WDR36: variants seen among roughly 807,000 people sequenced by gnomAD.
WDR36 encodes WD repeat-containing protein 36.
A neutral mutation model predicts 112.7 loss-of-function variants in WDR36; 63 were observed. The observed-to-expected ratio is 0.56, with a 90% confidence interval of 0.46 to 0.69. WDR36 has a LOEUF of 0.69. WDR36 is among the 30% of genes least tolerant of loss of function. The probability of loss-of-function intolerance (pLI) is 0.00; values close to 1 mark genes in which losing one functional copy is unlikely to be tolerated. For synonymous variants in WDR36, 410 were observed against 362.2 expected (o/e 1.13, Z -1.50); for missense variants, 1,226 against 1,070.3 (o/e 1.15, Z -2.03).
At chr5:111,120,472 A>G (rs1450898492) in intron 17 of WDR36, 24 bp from the exon 18 acceptor site, 3 of 1,561,908 alleles carry the variant, frequency 1.9e-6, no homozygotes, top group East Asian at 4.5e-5. Context: ...TTTTTAAAAT[A>G]TTGCTTATGT....
rs1267157379 is a variant in WDR36, at chr5:111,092,517, G to A, written c.61G>A (p.Gly21Arg). The change falls in exon 1 of 23, where the codon GGA becomes AGA. Residue 21 changes from glycine (G) to arginine (R), a missense_variant. Transcript: ENST00000513710. ...SALFAGFRAL[G>R]LFSNDIPHVV... Reference sequence around the variant, plus strand: ...GCTTTTTGCGGGGTTCCGGGCCTTGGGACTTTTCAGCAACGACATTCCACA... The same window carrying A: ...GCTTTTTGCGGGGTTCCGGGCCTTGAGACTTTTCAGCAACGACATTCCACA... 4 of 1,614,118 alleles carry A rather than the reference G, an allele frequency of 2.5e-6. No individual in the cohort carries two copies. The highest frequency in any genetic ancestry group is 3.4e-6 in the Non-Finnish European group (4 of 1,180,054).
At chr5:111,095,568 C>A (rs1752957477) in intron 2 of WDR36, among the ~76,000 whole-genome samples, 1 of 152,010 alleles carries the variant, frequency 6.6e-6, no homozygotes, top group Admixed American at 6.6e-5. Context: ...AATTTGAAAC[C>A]CAAAATGCTC....
At position 111,125,533 on chromosome 5, in the gene WDR36, G is replaced by A. The variant is rs72784248; in HGVS notation, c.2351-75G>A. ...ACCATTTAAATATATCCTATTTGGG[G>A]TATAAAAGGAAAACTGTAATTTTCT... is the stretch of plus-strand genomic sequence containing the variant. On this transcript the variant is annotated intron_variant, in intron 21 of 22. Coordinates refer to ENST00000513710, the MANE Select transcript of WDR36 (RefSeq NM_139281.3). 42,774 of 1,401,386 alleles carry A rather than the reference G, an allele frequency of 0.031. 814 individuals carry two copies. Among genetic ancestry groups the A allele is most frequent in the South Asian group, 0.039 (3,141 of 80,466 alleles). The allele number at this position is 1,401,386 out of a possible 1,614,324, so 86.8% of individuals were successfully genotyped here.
At position 111,124,194 on chromosome 5, in the gene WDR36, G is replaced by C; in HGVS notation, c.2350+5G>C. ...AAGGACTGGTAAATAATAAGTGTAA[G>C]TTGAATTATAAGATATTTTAACTAA... On this transcript the variant is annotated splice_donor_5th_base_variant and intron_variant, in intron 21 of 22. Transcript: ENST00000513710. 6.2e-7 allele frequency: 1 copy of C among 1,605,294 alleles called. No individual in the cohort carries two copies. Among genetic ancestry groups the C allele is most frequent in the Admixed American group, 1.7e-5 (1 of 59,912 alleles).
At position 111,127,086 on chromosome 5, in the gene WDR36, C is replaced by T. The variant is rs984898096; in HGVS notation, c.*203C>T. On this transcript the variant is annotated 3_prime_UTR_variant, in exon 23 of 23. Coordinates refer to ENST00000513710, the MANE Select transcript of WDR36 (RefSeq NM_139281.3). ...GCATGATGGATAATGCCTGTAATTC[C>T]AGCACTTTCAGAGGCCAAAGCGGGA... 3.6e-5 allele frequency: 18 copies of T among 493,292 alleles called. No homozygotes were observed. Among genetic ancestry groups the T allele is most frequent in the Non-Finnish European group, 5.8e-5 (17 of 290,614 alleles). The allele number at this position is 493,292 out of a possible 1,614,324, so 30.6% of individuals were successfully genotyped here.
chr5:111,092,461 A>G lies in WDR36; in HGVS notation c.5A>G (p.Glu2Gly). The G allele has an allele frequency of 6.2e-7, 1 of 1,614,204 alleles. No homozygotes were observed. Among genetic ancestry groups the G allele is most frequent in the Non-Finnish European group, 8.5e-7 (1 of 1,180,042 alleles). The change falls in exon 1 of 23, where the codon GAA becomes GGA. Residue 2 changes from glutamate (E) to glycine (G), a missense_variant. Glu to Gly is a moderately conservative substitution (Grantham distance 98). Transcript: ENST00000513710. M[E>G]RASERRTASA... ...GGAGCTGGGATCGCGGCGGCAATGG[A>G]ACGGGCCTCAGAAAGGCGCACGGCC...
chr5:111,119,586 T>C (rs536026964), intron 17 of WDR36, among the ~76,000 whole-genome samples: 1 of 152,306 alleles, frequency 6.6e-6, no homozygotes, highest in African/African-American at 2.4e-5. Context: ...ATACTTCAAA[T>C]TCTCTTTTGA....
chr5:111,098,099 A>T (rs1363459936), intron 3 of WDR36, among the ~76,000 whole-genome samples: 9 of 152,048 alleles, frequency 5.9e-5, no homozygotes, highest in Non-Finnish European at 1.3e-4. Flanking sequence ...GGGTTAGGGG[A>T]ACAAAATAGG....
At chr5:111,125,907 A>T in intron 22 of WDR36, 112 bp downstream of exon 22, 1 of 1,076,814 alleles carries the variant, frequency 9.3e-7, no homozygotes, top group Non-Finnish European at 1.4e-6. Context: ...TTCCAGTATC[A>T]TAGCCACTTG....
At chr5:111,107,207 A>G in intron 11 of WDR36, 87 bp from the exon 12 acceptor site, 2 of 1,447,270 alleles carry the variant, frequency 1.4e-6, no homozygotes, top group Non-Finnish European at 1.9e-6. Flanking sequence ...TTGTATCCCT[A>G]GTGTCTGAAA....
intron 4 of WDR36, among the ~76,000 whole-genome samples, chr5:111,099,296 T>C (rs979699173): frequency 6.6e-6 from 1 of 152,110 alleles, no homozygotes; most frequent in Non-Finnish European, 1.5e-5. Context: ...ACAGTGGCTA[T>C]GTTTATGGGA....
intron 3 of WDR36, 135 bp downstream of exon 3, chr5:111,097,314 A>G: frequency 3.0e-6 from 2 of 671,324 alleles, no homozygotes; most frequent in Admixed American, 4.7e-5. Context: ...ATGTATATTC[A>G]GTTTTCTGGA....
At chr5:111,107,884 A>G (rs1206719734) in intron 12 of WDR36, among the ~76,000 whole-genome samples, 2 of 151,178 alleles carry the variant, frequency 1.3e-5, no homozygotes, top group Admixed American at 6.6e-5. Context: ...CTTGATTTTG[A>G]TAGCTTTGTG....
chr5:111,100,836 T>C, intron 5 of WDR36, 115 bp downstream of exon 5: 1 of 1,099,092 alleles, frequency 9.1e-7, no homozygotes, highest in Non-Finnish European at 1.3e-6. Context: ...TGGAGGGTTG[T>C]CTATAAATAA....
Position 111,097,169 on chromosome 5 carries a change from G to A in WDR36, c.281G>A (p.Arg94His), listed in dbSNP as rs191638718. Residue 94 changes from arginine to histidine, a missense_variant, in exon 3 of 23, where the codon CGT (arginine) becomes CAT (histidine). Transcript: ENST00000513710. Reference sequence around the variant, plus strand: ...GGAAATGTTTTCTCTGCATTTGCCCGTAATAAAGAGGTTGGTATCGCTAAA... The same window carrying A: ...GGAAATGTTTTCTCTGCATTTGCCCATAATAAAGAGGTTGGTATCGCTAAA... ...AYGNVFSAFA[R>H]NKEIVHTFKG... is the part of the protein sequence containing the mutation. 128 of 1,612,322 alleles carry A rather than the reference G, an allele frequency of 7.9e-5. No individual in the cohort carries two copies. Among genetic ancestry groups the A allele is most frequent in the African/African-American group, 1.2e-4 (9 of 74,970 alleles).
intron 15 of WDR36, 78 bp from the exon 16 acceptor site, chr5:111,112,984 TATACATACACAC>T: frequency 3.7e-6 from 1 of 269,570 alleles, no homozygotes. Context: ...GTTAACTATA[TATACATACACAC>T]ATACATACAA....
chr5:111,095,724 C>A (rs1434165372), intron 2 of WDR36, among the ~76,000 whole-genome samples: 1 of 152,238 alleles, frequency 6.6e-6, no homozygotes, highest in Admixed American at 6.5e-5. Context: ...ATCTGAAACA[C>A]TTCTGGTCTC....
chr5:111,116,202 G>A (rs1477698148), intron 16 of WDR36, among the ~76,000 whole-genome samples: 2 of 151,852 alleles, frequency 1.3e-5, no homozygotes, highest in Non-Finnish European at 2.9e-5. Flanking sequence ...ACCCACCTCA[G>A]CCTCCCAAAG....
chr5:111,108,052 A>G (rs529146865), intron 12 of WDR36, among the ~76,000 whole-genome samples: 15 of 151,410 alleles, frequency 9.9e-5, no homozygotes, highest in African/African-American at 3.6e-4. Context: ...TAGGGATTTC[A>G]TTTTGATTTT....
Sources: allele counts gnomAD v4.1 joint callset (sites outside exome capture counted in the v4.1 genomes callset), GRCh38; gene constraint gnomAD v4.1.1; transcripts MANE v1.5; gene names NCBI Gene and HGNC (gene_info 2026-07-23, HGNC 2026-07-21).